Variants in CFAP184 observed in about 807,000 individuals in gnomAD.
CFAP184 encodes cilia- and flagella-associated protein 184.
chr4:7,041,349 G>A, the CFAP184 span: 1 of 1,614,214 alleles, frequency 6.2e-7, no homozygotes, highest in Non-Finnish European at 8.5e-7. Context: ...TAGCGTGGTG[G>A]CGCTTCAGGG....
the CFAP184 span, chr4:7,041,219 G>A: frequency 6.6e-7 from 1 of 1,517,984 alleles, no homozygotes; most frequent in Non-Finnish European, 8.8e-7. Flanking sequence ...AATAAAGCAG[G>A]ACAGCACGTC....
chr4:7,041,505 C>G, the CFAP184 span: 1 of 1,614,226 alleles, frequency 6.2e-7, no homozygotes, highest in Non-Finnish European at 8.5e-7. Context: ...TCGTCTTGGT[C>G]AGGATGTCTC....
At chr4:7,041,781 C>T in the CFAP184 span, 10 of 1,612,510 alleles carry the variant, frequency 6.2e-6, no homozygotes, top group Non-Finnish European at 8.5e-6. Context: ...CAAAATGCAC[C>T]AGGCTCTGCT....
At chr4:7,041,241 G>T in the CFAP184 span, 1 of 1,534,238 alleles carries the variant, frequency 6.5e-7, no homozygotes, top group Non-Finnish European at 8.8e-7. Context: ...TGAGGATGAA[G>T]TGTTTTGCAG....
chr4:7,041,226 C>T, the CFAP184 span: 12 of 1,522,540 alleles, frequency 7.9e-6, no homozygotes, highest in Non-Finnish European at 4.4e-6. Context: ...CAGGACAGCA[C>T]GTCCTGAGGA....
chr4:7,042,916 G>C, the CFAP184 span: 1 of 1,539,328 alleles, frequency 6.5e-7, no homozygotes, highest in African/African-American at 1.4e-5. Context: ...GGGGTCCTTA[G>C]TGTGCTCAGA....
the CFAP184 span, chr4:7,041,204 G>A: frequency 4.0e-6 from 6 of 1,506,350 alleles, no homozygotes; most frequent in Non-Finnish European, 5.3e-6. Flanking sequence ...TAGCAACGAA[G>A]GTAAAATAAA....
the CFAP184 span, chr4:7,041,339 T>C: frequency 6.2e-7 from 1 of 1,614,196 alleles, no homozygotes; most frequent in South Asian, 1.1e-5. Flanking sequence ...AAAGTGAGGC[T>C]AGCGTGGTGG....
chr4:7,042,888 G>C, the CFAP184 span: 2 of 1,555,072 alleles, frequency 1.3e-6, no homozygotes, highest in African/African-American at 2.8e-5. Flanking sequence ...GGCTTTCCCC[G>C]TCTCCGCCTT....
chr4:7,042,207 G>T, the CFAP184 span: 1 of 1,597,756 alleles, frequency 6.3e-7, no homozygotes. Context: ...ATAGGTTGTA[G>T]CGCTGGGAGC....
At chr4:7,042,517 T>C in the CFAP184 span, 1 of 1,605,136 alleles carries the variant, frequency 6.2e-7, no homozygotes, top group Middle Eastern at 1.7e-4. Flanking sequence ...CAGAGAGGCC[T>C]GGAACCTGAC....
chr4:7,041,638 C>T, the CFAP184 span: 1 of 1,614,234 alleles, frequency 6.2e-7, no homozygotes, highest in South Asian at 1.1e-5. Flanking sequence ...GGTCACCTTG[C>T]TGCGAAGTTT....
the CFAP184 span, chr4:7,041,126 T>C: frequency 7.7e-7 from 1 of 1,292,004 alleles, no homozygotes; most frequent in Non-Finnish European, 1.0e-6. Flanking sequence ...AGCACTGATT[T>C]GGAAGCTAAA....
chr4:7,042,827 G>A, the CFAP184 span: 1 of 1,571,468 alleles, frequency 6.4e-7, no homozygotes. Context: ...CCGGGTTCGG[G>A]AGAGGTCGGA....
the CFAP184 span, chr4:7,042,412 T>C: frequency 6.2e-7 from 1 of 1,612,258 alleles, no homozygotes; most frequent in Non-Finnish European, 8.5e-7. Flanking sequence ...GCCGTCTCTC[T>C]GCGTCTCCTC....
chr4:7,042,416 T>C, the CFAP184 span: 1 of 1,612,116 alleles, frequency 6.2e-7, no homozygotes. Flanking sequence ...TCTCTCTGCG[T>C]CTCCTCCTTG....
the CFAP184 span, chr4:7,041,321 T>G: frequency 6.2e-7 from 1 of 1,613,772 alleles, no homozygotes; most frequent in Non-Finnish European, 8.5e-7. Flanking sequence ...CTCACGCCTC[T>G]GCAGGACAAA....
the CFAP184 span, chr4:7,041,907 G>A: frequency 6.2e-7 from 1 of 1,612,488 alleles, no homozygotes; most frequent in Non-Finnish European, 8.5e-7. Context: ...TCATCCGACA[G>A]CTGCCCATGG....
the CFAP184 span, chr4:7,042,865 G>T: frequency 6.4e-7 from 1 of 1,570,002 alleles, no homozygotes; most frequent in Non-Finnish European, 8.6e-7. Flanking sequence ...GATCTTGGAC[G>T]GCCGCGCGGC....
Sources: allele counts gnomAD v4.1 joint callset, GRCh38; gene constraint gnomAD v4.1.1; transcripts MANE v1.5; gene names NCBI Gene and HGNC (gene_info 2026-07-23, HGNC 2026-07-21).